The following PRRC2C variants were observed in gnomAD, a reference collection of about 807,000 sequenced individuals.
PRRC2C encodes the protein protein PRRC2C.
In PRRC2C, 72 loss-of-function variants were observed where a neutral mutation model predicts 317.2. The observed-to-expected ratio is 0.23, with a 90% CI of 0.19 to 0.28. PRRC2C has a LOEUF of 0.28. Ranked by LOEUF, PRRC2C falls within the 10% of genes least tolerant of loss-of-function variation. PRRC2C has a pLI of 1.00. For missense variants in PRRC2C, 3,074 were observed against 3,459.7 expected (o/e 0.89, Z 2.80); for synonymous variants, 1,296 against 1,205.9 (o/e 1.07, Z -1.55).
intron 28 of PRRC2C, among the ~76,000 whole-genome samples, chr1:171,582,885 A>G (rs1453746216): frequency 6.6e-6 from 1 of 151,990 alleles, no homozygotes; most frequent in African/African-American, 2.4e-5. Flanking sequence ...TTTTTCTTCA[A>G]TAATAAATTA....
chr1:171,573,329 T>G (rs1198836455), intron 24 of PRRC2C, among the ~76,000 whole-genome samples: 1 of 152,210 alleles, frequency 6.6e-6, no homozygotes, highest in African/African-American at 2.4e-5. Context: ...TATGTAAGTT[T>G]GATTAGCTAT....
At chr1:171,524,997 G>C in intron 10 of PRRC2C, 32 bp downstream of exon 10, 7 of 1,509,390 alleles carry the variant, frequency 4.6e-6, no homozygotes, top group Non-Finnish European at 6.3e-6. Flanking sequence ...CCTTGTTATT[G>C]CAAGGATCTC....
At chr1:171,490,540 G>A (rs1176571489) in intron 1 of PRRC2C, among the ~76,000 whole-genome samples, 1 of 152,222 alleles carries the variant, frequency 6.6e-6, no homozygotes, top group East Asian at 1.9e-4. Flanking sequence ...CCGCAAAGGA[G>A]TAGGTTTATT....
chr1:171,487,373 T>C (rs1235121665), intron 1 of PRRC2C, among the ~76,000 whole-genome samples: 2 of 152,236 alleles, frequency 1.3e-5, no homozygotes, highest in Admixed American at 6.5e-5. Context: ...TTTTAAATTA[T>C]AAACTACAGT....
intron 1 of PRRC2C, chr1:171,511,262 A>G (rs1366204146): frequency 6.6e-6 from 1 of 152,224 alleles, no homozygotes; most frequent in Non-Finnish European, 1.5e-5. Context: ...GAAGGGAAAT[A>G]GCATGAGACA....
At position 171,568,292 on chromosome 1, in the gene PRRC2C, A is replaced by G. The variant is rs1406002397; in HGVS notation, c.6604A>G (p.Thr2202Ala). Residue 2202 changes from threonine to alanine, a missense_variant, in exon 23 of 35, where the codon ACC (threonine) becomes GCC (alanine). This residue lies in a region of PRRC2C where 640 missense variants were observed against 676.1 expected (regional missense o/e 0.95). Transcript: ENST00000647382. Reference sequence around the variant, plus strand: ...TACACCCTCTTCTTCTTTGCCTAACACCGTGGCTACTAATAATACAAAGAT... The same window carrying G: ...TACACCCTCTTCTTCTTTGCCTAACGCCGTGGCTACTAATAATACAAAGAT... ...YTTPSSSLPN[T>A]VATNNTKMED... The G allele has an allele frequency of 1.2e-6, 2 of 1,610,230 alleles. No homozygotes were observed. Among genetic ancestry groups the G allele is most frequent in the African/African-American group, 2.7e-5 (2 of 74,876 alleles).
intron 19 of PRRC2C, among the ~76,000 whole-genome samples, chr1:171,558,611 G>A (rs1439913753): frequency 1.3e-5 from 2 of 152,148 alleles, no homozygotes; most frequent in South Asian, 2.1e-4. Flanking sequence ...TTGTTTCAGG[G>A]TACCATGAAC....
chr1:171,582,867 A>AC (rs927918464), intron 28 of PRRC2C, among the ~76,000 whole-genome samples: 6 of 151,634 alleles, frequency 4.0e-5, no homozygotes, highest in East Asian at 1.9e-4. Flanking sequence ...TAAAAAAAAA[A>AC]AAACAAATTT....
At chr1:171,557,178 A>G (rs1681616069) in intron 18 of PRRC2C, 62 bp from the exon 19 acceptor site, 2 of 1,465,174 alleles carry the variant, frequency 1.4e-6, no homozygotes, top group African/African-American at 1.4e-5. Flanking sequence ...TAAAAGTTGC[A>G]TTTATGAACT....
chr1:171,566,922 C>T, intron 22 of PRRC2C, 79 bp downstream of exon 22: 1 of 1,239,444 alleles, frequency 8.1e-7, no homozygotes, highest in South Asian at 1.8e-5. Context: ...CAACAGTCTG[C>T]TTTTTTTTTT....
Position 171,492,838 on chromosome 1 carries a change from G to A in PRRC2C, c.-58+7103G>A, listed in dbSNP as rs1351791570. 1.1e-4 allele frequency among the ~76,000 whole-genome samples: 16 copies of A among 151,744 alleles called. No individual in the cohort carries two copies. In the East Asian group the frequency reaches 2.7e-3, roughly 26 times the overall value. On this transcript the variant is annotated intron_variant, in intron 1 of 34. Coordinates refer to ENST00000647382, the MANE Select transcript of PRRC2C (RefSeq NM_001387844.1). ...GCGATCTTGGCTCACTGCAACCTCT[G>A]CCTCCCAGGTTCAAGCAATTCTTCT...
At chr1:171,504,338 A>G (rs769780858) in intron 1 of PRRC2C, among the ~76,000 whole-genome samples, 3 of 152,160 alleles carry the variant, frequency 2.0e-5, no homozygotes, top group Non-Finnish European at 4.4e-5. Flanking sequence ...TGTTATATCT[A>G]AGAAGTCCTT....
rs191080929 is a variant in PRRC2C, at chr1:171,508,867, A to G, written c.-57-3165A>G. Among the ~76,000 whole-genome samples the G allele has an allele frequency of 7.9e-5, 12 of 152,012 alleles. No homozygotes were observed. The East Asian group carries it at 1.9e-3, about 24-fold the overall frequency. On this transcript the variant is annotated intron_variant, in intron 1 of 34. Transcript: ENST00000647382. ...TGATTATTTTCTTCACTGACCATCAATTTAATTTTTTTTTTCTTTTTCTTT... is the reference window on the plus strand; with the variant it reads ...TGATTATTTTCTTCACTGACCATCAGTTTAATTTTTTTTTTCTTTTTCTTT...
At chr1:171,493,787 G>T (rs759500905) in intron 1 of PRRC2C, among the ~76,000 whole-genome samples, 2 of 152,126 alleles carry the variant, frequency 1.3e-5, no homozygotes, top group Non-Finnish European at 2.9e-5. Flanking sequence ...CTGGGCAACA[G>T]AGCAAGACTC....
At chr1:171,529,691 T>C (rs528136703) in intron 11 of PRRC2C, among the ~76,000 whole-genome samples, 2 of 152,230 alleles carry the variant, frequency 1.3e-5, no homozygotes, top group South Asian at 4.1e-4. Context: ...CATCCCATAT[T>C]CTTCTGTAGT....
At chr1:171,583,801 C>T (rs956982392) in intron 28 of PRRC2C, among the ~76,000 whole-genome samples, 155 bp from the exon 29 acceptor site, 3 of 152,144 alleles carry the variant, frequency 2.0e-5, no homozygotes, top group African/African-American at 7.2e-5. Flanking sequence ...TCCTTATGAT[C>T]TTATGGGACC....
intron 30 of PRRC2C, 143 bp from the exon 31 acceptor site, chr1:171,586,860 A>G: frequency 1.5e-6 from 1 of 663,326 alleles, no homozygotes; most frequent in Non-Finnish European, 2.5e-6. Context: ...TGCTGGGATT[A>G]CAGGCATGAG....
intron 1 of PRRC2C, among the ~76,000 whole-genome samples, chr1:171,506,521 C>CT (rs1676354384): frequency 6.7e-6 from 1 of 150,094 alleles, no homozygotes; most frequent in African/African-American, 2.4e-5. Flanking sequence ...TGTTTTTTCA[C>CT]TTTCTCAAGC....
chr1:171,587,177 A>C lies in PRRC2C; in HGVS notation c.7924A>C (p.Ile2642Leu), dbSNP rs1375763777. The C allele has an allele frequency of 6.2e-7, 1 of 1,609,552 alleles. No individual in the cohort carries two copies. The highest frequency in any genetic ancestry group is 1.1e-5 in the South Asian group (1 of 89,784). Reference protein sequence around the residue: ...AQVSQPFRGLIPAGTQHSMIA... With the variant: ...AQVSQPFRGLLPAGTQHSMIA... ...AGTAAGCCAGCCTTTCAGAGGATTAATTCCTGCTGGAACACAGCATAGCAT... is the reference window on the plus strand; with the variant it reads ...AGTAAGCCAGCCTTTCAGAGGATTACTTCCTGCTGGAACACAGCATAGCAT... The change falls in exon 31 of 35, where the codon ATT becomes CTT. Residue 2642 changes from isoleucine to leucine, a missense_variant. Coordinates refer to ENST00000647382, the MANE Select transcript of PRRC2C (RefSeq NM_001387844.1).
Sources: allele counts gnomAD v4.1 joint callset (sites outside exome capture counted in the v4.1 genomes callset), GRCh38; gene constraint gnomAD v4.1.1; regional missense constraint gnomAD v4.1.1; transcripts MANE v1.5; gene names NCBI Gene and HGNC (gene_info 2026-07-23, HGNC 2026-07-21).